CDC42BPA: variants seen among roughly 807,000 people sequenced by gnomAD.
CDC42BPA encodes the protein serine/threonine-protein kinase MRCK alpha.
In CDC42BPA, 80 loss-of-function variants were observed where a neutral mutation model predicts 223.5. The observed-to-expected ratio is 0.36, with a 90% CI of 0.30 to 0.43. The LOEUF (loss-of-function observed/expected upper bound fraction) is 0.43. CDC42BPA is among the 20% of genes least tolerant of loss of function. The pLI is 1.00. For missense variants in CDC42BPA, 1,743 were observed against 2,099.9 expected, an observed-to-expected ratio of 0.83 and a Z score of 3.32; for synonymous variants, 694 against 718.6, an observed-to-expected ratio of 0.97 and a Z score of 0.55.
At chr1:227,172,552 G>A (rs932002458) in intron 5 of CDC42BPA, among the ~76,000 whole-genome samples, 1 of 151,922 alleles carries the variant, frequency 6.6e-6, no homozygotes, top group African/African-American at 2.4e-5. Context: ...TTCAAATTCA[G>A]CAAATGAGAA....
intron 17 of CDC42BPA, among the ~76,000 whole-genome samples, chr1:227,078,019 T>G (rs181813393): frequency 1.3e-5 from 2 of 152,312 alleles, no homozygotes; most frequent in Admixed American, 6.5e-5. Flanking sequence ...CCATTACCTT[T>G]GAAAAACCTT....
intron 31 of CDC42BPA, among the ~76,000 whole-genome samples, chr1:227,025,436 C>T (rs547833940): frequency 2.6e-5 from 4 of 152,262 alleles, no homozygotes; most frequent in Non-Finnish European, 4.4e-5. Flanking sequence ...TCTCTAAACC[C>T]TGTCCCCCAA....
intron 23 of CDC42BPA, among the ~76,000 whole-genome samples, chr1:227,041,563 ATC>A (rs1671380852): frequency 6.6e-6 from 1 of 152,216 alleles, no homozygotes; most frequent in African/African-American, 2.4e-5. Context: ...TTAAAAATAA[ATC>A]TTGTTCTTTT....
Position 227,000,983 on chromosome 1 carries a change from TCCAA to T in CDC42BPA, c.4975+4007_4975+4010del, listed in dbSNP as rs573292759. On this transcript the variant is annotated intron_variant, in intron 35 of 36. Coordinates refer to ENST00000366766, the MANE Select transcript of CDC42BPA (RefSeq NM_001394014.1). ...CTAAATCTCTTGGGGATGAGCAATA[TCCAA>T]CCTCTGCATGACTTCCAGGAGGGTC... 3.4e-3 allele frequency among the ~76,000 whole-genome samples: 512 copies of T among 152,136 alleles called. 3 individuals are homozygous for T. The highest frequency in any genetic ancestry group is 4.2e-3 in the Non-Finnish European group (283 of 67,998).
intron 23 of CDC42BPA, among the ~76,000 whole-genome samples, chr1:227,041,316 T>C (rs1417107914): frequency 6.6e-5 from 10 of 152,128 alleles, no homozygotes; most frequent in Non-Finnish European, 1.3e-4. Context: ...CCTTCTCTAG[T>C]AGTCCCCAGA....
At chr1:227,171,315 T>A (rs1004345266) in intron 5 of CDC42BPA, among the ~76,000 whole-genome samples, 2 of 152,216 alleles carry the variant, frequency 1.3e-5, no homozygotes, top group African/African-American at 2.4e-5. Flanking sequence ...AAAATAATAG[T>A]TTTAAAAACT....
intron 3 of CDC42BPA, among the ~76,000 whole-genome samples, chr1:227,207,118 T>G: frequency 8.3e-6 from 1 of 120,054 alleles, no homozygotes; most frequent in Non-Finnish European, 1.6e-5. Flanking sequence ...GAGTGTGATG[T>G]TCCCCTTCCT....
At chr1:227,207,304 G>T (rs1477158320) in intron 3 of CDC42BPA, among the ~76,000 whole-genome samples, 2 of 97,898 alleles carry the variant, frequency 2.0e-5, no homozygotes, top group Non-Finnish European at 4.4e-5. Flanking sequence ...TGGTGTATAT[G>T]TCACACATTT....
intron 2 of CDC42BPA, among the ~76,000 whole-genome samples, chr1:227,242,637 T>C (rs1277706267): frequency 6.6e-6 from 1 of 152,150 alleles, no homozygotes; most frequent in African/African-American, 2.4e-5. Flanking sequence ...AACTATCCTT[T>C]ACTAGCTTAC....
intron 1 of CDC42BPA, among the ~76,000 whole-genome samples, chr1:227,289,634 C>T (rs2148643103): frequency 6.6e-6 from 1 of 152,252 alleles, no homozygotes; most frequent in Admixed American, 6.5e-5. Flanking sequence ...ACTGTTGTAT[C>T]TCCAGATTTT....
At chr1:227,106,202 G>A (rs1486765257) in intron 14 of CDC42BPA, among the ~76,000 whole-genome samples, 2 of 151,952 alleles carry the variant, frequency 1.3e-5, no homozygotes, top group African/African-American at 4.8e-5. Flanking sequence ...GTAATGTTGA[G>A]CATTTTTTAA....
chr1:227,125,785 T>TG (rs1411525294), intron 11 of CDC42BPA, among the ~76,000 whole-genome samples: 1 of 151,928 alleles, frequency 6.6e-6, no homozygotes, highest in African/African-American at 2.4e-5. Flanking sequence ...TCTATTTGGT[T>TG]GGGAAAAAAA....
At chr1:227,223,992 G>C (rs968253509) in intron 2 of CDC42BPA, among the ~76,000 whole-genome samples, 1 of 152,158 alleles carries the variant, frequency 6.6e-6, no homozygotes, top group Admixed American at 6.5e-5. Flanking sequence ...GGCTATGATG[G>C]TTAGGTATAT....
intron 1 of CDC42BPA, among the ~76,000 whole-genome samples, chr1:227,301,209 C>G (rs1691565147): frequency 6.6e-6 from 1 of 152,210 alleles, no homozygotes; most frequent in Non-Finnish European, 1.5e-5. Flanking sequence ...AAAGACTGAT[C>G]TGCTCAAAGA....
At chr1:227,073,813 T>C in intron 19 of CDC42BPA, 51 bp downstream of exon 19, 1 of 1,388,200 alleles carries the variant, frequency 7.2e-7, no homozygotes, top group Non-Finnish European at 9.7e-7. Context: ...CTCCAAATAA[T>C]TATGACAAAC....
intron 21 of CDC42BPA, among the ~76,000 whole-genome samples, chr1:227,063,196 C>T (rs1676296948): frequency 6.6e-6 from 1 of 152,158 alleles, no homozygotes; most frequent in Non-Finnish European, 1.5e-5. Context: ...TATATACCTA[C>T]ACACACTGTG....
intron 5 of CDC42BPA, among the ~76,000 whole-genome samples, chr1:227,162,908 GTA>G (rs1558648259): frequency 1.5e-5 from 2 of 130,280 alleles, no homozygotes; most frequent in African/African-American, 5.8e-5. Context: ...ATATGTGTGT[GTA>G]TATGTGTGTG....
intron 1 of CDC42BPA, among the ~76,000 whole-genome samples, chr1:227,289,524 AC>A (rs1332840286): frequency 6.6e-6 from 1 of 152,104 alleles, no homozygotes; most frequent in African/African-American, 2.4e-5. Context: ...TATAGCTCTT[AC>A]CATTATCTGA....
At chr1:227,027,733 A>G (rs1668534118) in intron 30 of CDC42BPA, among the ~76,000 whole-genome samples, 3 of 152,112 alleles carry the variant, frequency 2.0e-5, no homozygotes, top group South Asian at 2.1e-4. Context: ...GACTGTATCT[A>G]TTTTACTCAT....
Sources: gnomAD v4.1 joint callset for allele counts (sites outside exome capture counted in the v4.1 genomes callset) on GRCh38, gnomAD v4.1.1 for gene constraint, MANE v1.5 for transcripts, NCBI Gene and HGNC (gene_info 2026-07-23, HGNC 2026-07-21) for gene names.